The following EDIL3 variants were observed in gnomAD, a reference collection of about 807,000 sequenced individuals.
EDIL3 encodes the protein EGF like and discoidin domains 3, also known as EGF-like repeat and discoidin I-like domain-containing protein 3.
EDIL3 carries 37 observed loss-of-function variants against 67.4 expected under a neutral mutation model. That is an observed-to-expected ratio of 0.55 (90% CI 0.42 to 0.72). The LOEUF (loss-of-function observed/expected upper bound fraction) is 0.72, where lower values mean the gene tolerates loss of function less well. EDIL3 is among the 30% of genes least tolerant of loss of function. The pLI, the probability that EDIL3 is intolerant of heterozygous loss-of-function variation, is 0.00. For synonymous variants in EDIL3, 195 were observed against 196.3 expected, an observed-to-expected ratio of 0.99 and a Z score of 0.05; for missense variants, 527 against 586.3, an observed-to-expected ratio of 0.90 and a Z score of 1.04.
chr5:83,973,892 G>T (rs561092307), intron 9 of EDIL3, among the ~76,000 whole-genome samples: 14 of 152,020 alleles, frequency 9.2e-5, no homozygotes, highest in African/African-American at 3.4e-4. Context: ...TAAAACATCC[G>T]CAGAGTAAAG....
intron 1 of EDIL3, among the ~76,000 whole-genome samples, chr5:84,354,713 A>G (rs1747441803): frequency 6.6e-6 from 1 of 152,110 alleles, no homozygotes; most frequent in Admixed American, 6.6e-5. Flanking sequence ...TGTAGCTTAC[A>G]CATGTTACAA....
intron 5 of EDIL3, among the ~76,000 whole-genome samples, chr5:84,109,201 A>T (rs560357869): frequency 2.0e-5 from 3 of 152,252 alleles, no homozygotes; most frequent in Admixed American, 2.0e-4. Context: ...CTGCATATTA[A>T]TTCTTTCAAA....
intron 4 of EDIL3, among the ~76,000 whole-genome samples, chr5:84,174,374 G>C (rs1748863452): frequency 6.6e-6 from 1 of 152,192 alleles, no homozygotes; most frequent in South Asian, 2.1e-4. Flanking sequence ...GGCTGTGCTT[G>C]CCCTAGTGGA....
At chr5:84,233,645 T>C (rs1193562023) in intron 2 of EDIL3, among the ~76,000 whole-genome samples, 2 of 152,194 alleles carry the variant, frequency 1.3e-5, no homozygotes, top group African/African-American at 4.8e-5. Context: ...TTGGCCACAG[T>C]TATTGGCCTA....
At chr5:84,199,575 G>A (rs949396551) in intron 3 of EDIL3, among the ~76,000 whole-genome samples, 2 of 152,000 alleles carry the variant, frequency 1.3e-5, no homozygotes, top group African/African-American at 4.8e-5. Flanking sequence ...CTTGGATGGA[G>A]CATACCAACA....
intron 1 of EDIL3, among the ~76,000 whole-genome samples, chr5:84,313,158 A>G (rs1172293282): frequency 1.3e-5 from 2 of 152,210 alleles, no homozygotes; most frequent in Non-Finnish European, 2.9e-5. Flanking sequence ...ACCATACAAA[A>G]TACAGAAAAC....
At chr5:84,222,152 TA>T (rs1051849530) in intron 3 of EDIL3, among the ~76,000 whole-genome samples, 6 of 151,902 alleles carry the variant, frequency 3.9e-5, no homozygotes, top group Admixed American at 3.9e-4. Flanking sequence ...TTTGTGTAAC[TA>T]AAATTAAATA....
chr5:84,062,112 A>G (rs1028838538), intron 8 of EDIL3, among the ~76,000 whole-genome samples: 2 of 152,048 alleles, frequency 1.3e-5, no homozygotes, highest in Admixed American at 1.3e-4. Context: ...GGTATAGGAG[A>G]TAAGTATCTG....
intron 1 of EDIL3, among the ~76,000 whole-genome samples, chr5:84,314,181 A>G (rs1289044157): frequency 6.6e-6 from 1 of 152,140 alleles, no homozygotes; most frequent in African/African-American, 2.4e-5. Flanking sequence ...GGGTGACAAC[A>G]GTGAGACTCC....
At chr5:84,072,343 G>A (rs1419508803) in intron 6 of EDIL3, among the ~76,000 whole-genome samples, 1 of 151,808 alleles carries the variant, frequency 6.6e-6, no homozygotes. Context: ...GAATGAATAT[G>A]GATTTTAAAC....
intron 1 of EDIL3, among the ~76,000 whole-genome samples, chr5:84,326,159 T>TCC (rs1746752159): frequency 6.6e-6 from 1 of 151,992 alleles, no homozygotes; most frequent in African/African-American, 2.4e-5. Context: ...TCTTCCACCT[T>TCC]CCACCATGGG....
intron 1 of EDIL3, among the ~76,000 whole-genome samples, chr5:84,339,229 C>T (rs1747047243): frequency 6.6e-6 from 1 of 152,130 alleles, no homozygotes; most frequent in South Asian, 2.1e-4. Flanking sequence ...CTCTAGATTA[C>T]TGTTAATATA....
At chr5:84,253,769 A>G (rs1283607655) in intron 2 of EDIL3, among the ~76,000 whole-genome samples, 1 of 151,938 alleles carries the variant, frequency 6.6e-6, no homozygotes, top group Admixed American at 6.6e-5. Context: ...CTTTGGAGTT[A>G]TGTATTTTAT....
chr5:84,240,167 T>A (rs1309175500), intron 2 of EDIL3, among the ~76,000 whole-genome samples: 1 of 151,936 alleles, frequency 6.6e-6, no homozygotes, highest in Non-Finnish European at 1.5e-5. Context: ...AATTAATAAA[T>A]CAAAAAATAA....
At chr5:83,949,556 A>G (rs1329942138) in intron 10 of EDIL3, among the ~76,000 whole-genome samples, 1 of 151,876 alleles carries the variant, frequency 6.6e-6, no homozygotes, top group African/African-American at 2.4e-5. Context: ...CTTCTTTGCA[A>G]GAAACATATC....
intron 4 of EDIL3, among the ~76,000 whole-genome samples, chr5:84,160,611 A>G (rs1451253216): frequency 6.6e-6 from 1 of 152,096 alleles, no homozygotes; most frequent in Non-Finnish European, 1.5e-5. Context: ...AAATGAATCA[A>G]AGCTTATTCA....
intron 10 of EDIL3, among the ~76,000 whole-genome samples, chr5:83,962,282 G>A (rs1483072632): frequency 6.6e-6 from 1 of 151,504 alleles, no homozygotes; most frequent in Non-Finnish European, 1.5e-5. Flanking sequence ...GTATAAAGCA[G>A]TGTTATATTC....
At position 84,315,899 on chromosome 5, in the gene EDIL3, A is replaced by C. The variant is rs188480426; in HGVS notation, c.68-61687T>G. Among the ~76,000 whole-genome samples the C allele has an allele frequency of 8.9e-4, 136 of 152,330 alleles. 1 individual carries two copies. The East Asian group carries it at 0.023, about 26-fold the overall frequency. Reference sequence around the variant, plus strand: ...CCCACAAAGGGAAGCCCATCAGACTAACAGCAGATCTCTCAACAGAAACTC... The same window carrying C: ...CCCACAAAGGGAAGCCCATCAGACTCACAGCAGATCTCTCAACAGAAACTC... On this transcript the variant is annotated intron_variant, in intron 1 of 10. Coordinates refer to ENST00000296591, the MANE Select transcript of EDIL3 (RefSeq NM_005711.5).
At chr5:84,041,902 G>A (rs1455504955) in intron 9 of EDIL3, among the ~76,000 whole-genome samples, 1 of 151,976 alleles carries the variant, frequency 6.6e-6, no homozygotes, top group Non-Finnish European at 1.5e-5. Context: ...AATAAACAAA[G>A]ATTGAACCTT....
Sources: allele counts gnomAD v4.1 joint callset (sites outside exome capture counted in the v4.1 genomes callset), GRCh38; gene constraint gnomAD v4.1.1; transcripts MANE v1.5; gene names NCBI Gene and HGNC (gene_info 2026-07-23, HGNC 2026-07-21).